NPAS2: variants seen among roughly 807,000 people sequenced by gnomAD.
NPAS2 encodes the protein neuronal PAS domain protein 2, also known as neuronal PAS domain-containing protein 2.
NPAS2 carries 23 observed loss-of-function variants against 107.5 expected under a neutral mutation model. That is an observed-to-expected ratio of 0.21 (90% confidence interval 0.15 to 0.30). NPAS2 has a LOEUF of 0.30. Ranked by LOEUF, NPAS2 falls within the 10% of genes least tolerant of loss-of-function variation. The probability of loss-of-function intolerance (pLI) is 1.00; values close to 1 mark genes in which losing one functional copy is unlikely to be tolerated. For synonymous variants in NPAS2, 403 were observed against 417.5 expected, an observed-to-expected ratio of 0.97 and a Z score of 0.42; for missense variants, 756 against 1,043.3, an observed-to-expected ratio of 0.72 and a Z score of 3.79.
chr2:100,960,393 T>A (rs900565481), intron 7 of NPAS2, among the ~76,000 whole-genome samples: 16 of 151,800 alleles, frequency 1.1e-4, no homozygotes, highest in African/African-American at 3.9e-4. Flanking sequence ...TGAAACCCCG[T>A]CTCTACTAAA....
chr2:100,967,424 C>T (rs544337357), intron 10 of NPAS2, among the ~76,000 whole-genome samples: 3 of 151,856 alleles, frequency 2.0e-5, no homozygotes, highest in Non-Finnish European at 4.4e-5. Context: ...GATGGGGTCT[C>T]ACCGTATTCG....
At chr2:100,945,062 G>T (rs1674804181) in intron 5 of NPAS2, among the ~76,000 whole-genome samples, 2 of 152,192 alleles carry the variant, frequency 1.3e-5, no homozygotes, top group Admixed American at 1.3e-4. Context: ...TAGAGAGAAT[G>T]GGCTTAAAAT....
At chr2:100,963,244 G>A (rs990929484) in intron 7 of NPAS2, among the ~76,000 whole-genome samples, 3 of 152,228 alleles carry the variant, frequency 2.0e-5, no homozygotes, top group Admixed American at 6.5e-5. Context: ...GACAGGGGCA[G>A]GGAAGGGGGT....
At position 100,980,610 on chromosome 2, in the gene NPAS2, C is replaced by T. The variant is rs142315748; in HGVS notation, c.1483-1621C>T. 5.3e-3 allele frequency among the ~76,000 whole-genome samples: 805 copies of T among 152,172 alleles called. 9 individuals carry two copies. Among genetic ancestry groups the T allele is most frequent in the African/African-American group, 0.018 (755 of 41,492 alleles). On this transcript the variant is annotated intron_variant, in intron 15 of 20. Coordinates refer to ENST00000335681, the MANE Select transcript of NPAS2 (RefSeq NM_002518.4). Reference sequence around the variant, plus strand: ...TCAGCCTCCCGAGTAGCTGAGATTACGGGTGCCCACCACCACGCCTGGCTA... The same window carrying T: ...TCAGCCTCCCGAGTAGCTGAGATTATGGGTGCCCACCACCACGCCTGGCTA...
intron 1 of NPAS2, among the ~76,000 whole-genome samples, chr2:100,886,972 C>G (rs1294649367): frequency 1.3e-5 from 2 of 152,188 alleles, no homozygotes; most frequent in Admixed American, 1.3e-4. Flanking sequence ...CCTTCTAATA[C>G]ATTTGTTATA....
chr2:100,868,677 G>A (rs1429168438), intron 1 of NPAS2, among the ~76,000 whole-genome samples: 1 of 152,230 alleles, frequency 6.6e-6, no homozygotes, highest in African/African-American at 2.4e-5. Flanking sequence ...TTTTGTCTCT[G>A]CATTCTGCAA....
At chr2:100,838,993 G>A (rs1207642281) in intron 1 of NPAS2, among the ~76,000 whole-genome samples, 1 of 152,112 alleles carries the variant, frequency 6.6e-6, no homozygotes, top group Non-Finnish European at 1.5e-5. Flanking sequence ...GAATGTGCCT[G>A]ACTCTCCTGC....
rs181031144 is a variant in NPAS2 at position 100,902,976 on chromosome 2, G to A, written c.-22-1757G>A. Among the ~76,000 whole-genome samples the A allele has an allele frequency of 2.1e-3, 317 of 152,332 alleles. 3 individuals carry two copies. The highest frequency in any genetic ancestry group is 7.5e-3 in the African/African-American group (310 of 41,578). ...GGTTTTATAGATTCAGGAAATGTCT[G>A]CGGGATAAACATACAAATCACAGAA... On this transcript the variant is annotated intron_variant, in intron 1 of 20. Transcript: ENST00000335681.
intron 1 of NPAS2, among the ~76,000 whole-genome samples, chr2:100,885,201 C>G (rs868358012): frequency 6.6e-6 from 1 of 152,178 alleles, no homozygotes; most frequent in Admixed American, 6.5e-5. Flanking sequence ...CCGCCTGCCT[C>G]GGCCTCCCAA....
At chr2:100,995,293 G>A in intron 20 of NPAS2, 107 bp from the exon 21 acceptor site, 1 of 982,418 alleles carries the variant, frequency 1.0e-6, no homozygotes. Context: ...AAGAAAGACA[G>A]CCCTGTAGTC....
chr2:100,965,624 C>G lies in NPAS2; in HGVS notation c.801-36C>G. On this transcript the variant is annotated intron_variant, in intron 9 of 20. Coordinates refer to ENST00000335681, the MANE Select transcript of NPAS2 (RefSeq NM_002518.4). This position sits in a 1 kb window ranked among gnomAD's most constrained non-coding sequence, Gnocchi z 4.3. ...CCAGGGTGAGCCCTGCAGGGTGTCT[C>G]CTCCCTGATGACAAGTCCTCCTTGT... 3.5e-6 allele frequency: 5 copies of G among 1,422,608 alleles called. No homozygotes were observed. The highest frequency in any genetic ancestry group is 4.0e-6 in the Non-Finnish European group (4 of 1,008,216). The allele number at this position is 1,422,608 out of a possible 1,614,324, so 88.1% of individuals were successfully genotyped here.
chr2:100,879,122 G>GAA (rs1339247169), intron 1 of NPAS2, among the ~76,000 whole-genome samples: 1,229 of 106,614 alleles, frequency 0.012, 15 homozygotes, highest in African/African-American at 0.04. Flanking sequence ...CAAAAAAAAA[G>GAA]AAAAAAAAAA....
At position 100,965,788 on chromosome 2, in the gene NPAS2, A is replaced by G; in HGVS notation, c.907+22A>G. 2 of 1,161,130 alleles carry G rather than the reference A, an allele frequency of 1.7e-6. No individual in the cohort carries two copies. Among genetic ancestry groups the G allele is most frequent in the Non-Finnish European group, 2.2e-6 (2 of 924,950 alleles). The allele number at this position is 1,161,130 out of a possible 1,614,324, so 71.9% of individuals were successfully genotyped here. On this transcript the variant is annotated intron_variant, in intron 10 of 20. Transcript: ENST00000335681. This position sits in a 1 kb window ranked among gnomAD's most constrained non-coding sequence, Gnocchi z 4.3. ...CACCGTGAGTACCACTGCCCAGCCC[A>G]GGCATGGGGGCCTTGCGTTCACTCC...
chr2:100,867,250 A>G (rs1679311694), intron 1 of NPAS2, among the ~76,000 whole-genome samples: 1 of 152,224 alleles, frequency 6.6e-6, no homozygotes, highest in Non-Finnish European at 1.5e-5. Context: ...GTGTTGCCTG[A>G]TATATCACTT....
chr2:100,910,153 G>T lies in NPAS2; in HGVS notation c.32+5367G>T, dbSNP rs146224972. On this transcript the variant is annotated intron_variant, in intron 2 of 20. Coordinates refer to ENST00000335681, the MANE Select transcript of NPAS2 (RefSeq NM_002518.4). ...AGTAAATTTTAAATTGAAAAGAGATGATCAGGAATGCACCACTTGAAAATG... is the reference window on the plus strand; with the variant it reads ...AGTAAATTTTAAATTGAAAAGAGATTATCAGGAATGCACCACTTGAAAATG... 4.0e-3 allele frequency among the ~76,000 whole-genome samples: 609 copies of T among 152,308 alleles called. 5 individuals carry two copies. The highest frequency in any genetic ancestry group is 0.01 in the Admixed American group (157 of 15,288).
chr2:100,924,199 C>T (rs1320509738), intron 2 of NPAS2, among the ~76,000 whole-genome samples: 1 of 152,182 alleles, frequency 6.6e-6, no homozygotes, highest in Non-Finnish European at 1.5e-5. Context: ...TATCAGCATC[C>T]CCCACCAGAG....
chr2:100,852,322 G>C (rs1026598372), intron 1 of NPAS2, among the ~76,000 whole-genome samples: 3 of 152,110 alleles, frequency 2.0e-5, no homozygotes, highest in Non-Finnish European at 4.4e-5. Flanking sequence ...GCGTGAACCC[G>C]GGAGGCAGAG....
intron 1 of NPAS2, chr2:100,822,592 T>C (rs879292318): frequency 3.9e-5 from 6 of 152,236 alleles, no homozygotes; most frequent in Non-Finnish European, 8.8e-5. Context: ...TAATAAGGCA[T>C]GCGTATACTT....
intron 5 of NPAS2, among the ~76,000 whole-genome samples, chr2:100,943,283 G>C (rs534523553): frequency 2.6e-5 from 4 of 152,178 alleles, no homozygotes; most frequent in African/African-American, 9.7e-5. Context: ...CTTTTCTCTC[G>C]ATTACCAATG....
Sources: gnomAD v4.1 joint callset for allele counts (sites outside exome capture counted in the v4.1 genomes callset) on GRCh38, gnomAD v4.1.1 for gene constraint, Gnocchi (gnomAD v3.1) non-coding constraint, MANE v1.5 for transcripts, NCBI Gene and HGNC (gene_info 2026-07-23, HGNC 2026-07-21) for gene names.